The following RSPO3 variants were observed in gnomAD, a reference collection of about 807,000 sequenced individuals.
RSPO3 encodes R-spondin-3.
Under a neutral mutation model 36.5 loss-of-function variants are expected in RSPO3, and 17 were observed. The ratio of observed to expected loss-of-function variants is 0.47; its 90% confidence interval spans 0.32 to 0.70. The LOEUF (loss-of-function observed/expected upper bound fraction) is 0.70, where lower values mean the gene tolerates loss of function less well. RSPO3 is among the 30% of genes least tolerant of loss of function. RSPO3 has a pLI of 0.04. For synonymous variants in RSPO3, 108 were observed against 107.0 expected (o/e 1.01, Z -0.06); for missense variants, 294 against 322.5 (o/e 0.91, Z 0.68).
chr6:127,146,809 C>T (rs1216257579), intron 1 of RSPO3, among the ~76,000 whole-genome samples: 2 of 152,102 alleles, frequency 1.3e-5, no homozygotes, highest in African/African-American at 4.8e-5. Context: ...TTTTTATCTA[C>T]ACCTCTCGCT....
intron 1 of RSPO3, chr6:127,120,056 T>C (rs1773810984): frequency 6.6e-6 from 1 of 152,294 alleles, no homozygotes; most frequent in Non-Finnish European, 1.5e-5. Context: ...GACACACACG[T>C]ACAGAGAGTG....
chr6:127,131,849 G>T (rs539428280), intron 1 of RSPO3, among the ~76,000 whole-genome samples: 1 of 151,994 alleles, frequency 6.6e-6, no homozygotes, highest in Non-Finnish European at 1.5e-5. Context: ...CACACTTCTT[G>T]TACAAATTTC....
chr6:127,162,154 G>T (rs1427809891), intron 4 of RSPO3, among the ~76,000 whole-genome samples: 1 of 152,090 alleles, frequency 6.6e-6, no homozygotes, highest in Non-Finnish European at 1.5e-5. Flanking sequence ...TCAGAACCTG[G>T]CATAGTTTTT....
intron 4 of RSPO3, among the ~76,000 whole-genome samples, chr6:127,175,197 T>C (rs1775026964): frequency 6.6e-6 from 1 of 151,794 alleles, no homozygotes; most frequent in African/African-American, 2.4e-5. Context: ...TTATATTTTT[T>C]CCTGTATTTG....
At chr6:127,127,906 A>G (rs1388580451) in intron 1 of RSPO3, among the ~76,000 whole-genome samples, 4 of 151,960 alleles carry the variant, frequency 2.6e-5, no homozygotes, top group African/African-American at 7.2e-5. Flanking sequence ...CCTCCTCTAC[A>G]TCGCTTTCTT....
intron 1 of RSPO3, among the ~76,000 whole-genome samples, chr6:127,144,640 C>CTTTTTTTTTTTTTTTTTTTTT (rs140423963): frequency 4.9e-5 from 3 of 61,350 alleles, no homozygotes; most frequent in African/African-American, 2.0e-4. Flanking sequence ...GTAGCTTCCC[C>CTTTTTTTTTTTTTTTTTTTTT]TTGTTTTTTT....
chr6:127,189,342 A>G (rs2114267163), intron 4 of RSPO3, among the ~76,000 whole-genome samples: 1 of 151,738 alleles, frequency 6.6e-6, no homozygotes, highest in Non-Finnish European at 1.5e-5. Flanking sequence ...ACTGCATTCT[A>G]GATAAATGTA....
intron 1 of RSPO3, among the ~76,000 whole-genome samples, chr6:127,121,324 C>A (rs147964910): frequency 3.3e-5 from 5 of 152,236 alleles, no homozygotes; most frequent in Non-Finnish European, 7.3e-5. Flanking sequence ...GGATGATGCA[C>A]CTCTAGGTTG....
In RSPO3 at chr6:127,119,036, T is replaced by C. The variant is rs1008651364; in HGVS notation, c.-157T>C. 5 of 520,424 alleles carry C rather than the reference T, an allele frequency of 9.6e-6. No individual in the cohort carries two copies. The highest frequency in any genetic ancestry group is 1.3e-5 in the Non-Finnish European group (4 of 296,524). The allele number at this position is 520,424 out of a possible 1,614,324, so 32.2% of individuals were successfully genotyped here. On this transcript the variant is annotated 5_prime_UTR_variant, in exon 1 of 5. Transcript: ENST00000356698. ...TCCCTGTCCACCCGCCCCACTTCGC[T>C]TGCCATCACAGCACGCCTATCGGAT...
chr6:127,136,675 G>T (rs1230486004), intron 1 of RSPO3, among the ~76,000 whole-genome samples: 1 of 152,134 alleles, frequency 6.6e-6, no homozygotes, highest in Admixed American at 6.5e-5. Flanking sequence ...GGTATCACAA[G>T]GTTGGTAAGT....
chr6:127,173,337 G>A (rs1420911065), intron 4 of RSPO3, among the ~76,000 whole-genome samples: 1 of 151,798 alleles, frequency 6.6e-6, no homozygotes, highest in African/African-American at 2.4e-5. Context: ...GGTTATGTTA[G>A]TGCTATCATG....
chr6:127,149,966 C>G (rs1207953826), intron 2 of RSPO3, among the ~76,000 whole-genome samples: 7 of 151,916 alleles, frequency 4.6e-5, no homozygotes, highest in Non-Finnish European at 1.0e-4. Context: ...TGACTCTTAC[C>G]CCTCTTGTGC....
chr6:127,184,827 G>A (rs1220098184), intron 4 of RSPO3, among the ~76,000 whole-genome samples: 6 of 151,754 alleles, frequency 4.0e-5, no homozygotes, highest in Admixed American at 6.6e-5. Context: ...CTGGAAAACC[G>A]GCTGTCTTGG....
intron 4 of RSPO3, among the ~76,000 whole-genome samples, chr6:127,169,953 A>G (rs1160772517): frequency 6.6e-6 from 1 of 151,840 alleles, no homozygotes; most frequent in Non-Finnish European, 1.5e-5. Context: ...GTCTCCCTTC[A>G]ATAAAATGGC....
chr6:127,121,923 A>T (rs1773854119), intron 1 of RSPO3, among the ~76,000 whole-genome samples: 1 of 152,224 alleles, frequency 6.6e-6, no homozygotes, highest in African/African-American at 2.4e-5. Context: ...GTAGTTATAT[A>T]GTTTCAATTT....
chr6:127,164,293 C>T (rs1774770202), intron 4 of RSPO3, among the ~76,000 whole-genome samples: 2 of 151,978 alleles, frequency 1.3e-5, no homozygotes, highest in African/African-American at 2.4e-5. Flanking sequence ...AGGGTACTGA[C>T]AAAAACACAA....
intron 1 of RSPO3, among the ~76,000 whole-genome samples, chr6:127,134,861 T>C (rs1355913596): frequency 1.3e-5 from 2 of 152,188 alleles, no homozygotes; most frequent in Non-Finnish European, 2.9e-5. Flanking sequence ...TAGTCAGAGA[T>C]GGTAAACCTA....
intron 4 of RSPO3, among the ~76,000 whole-genome samples, chr6:127,170,244 T>C (rs578131986): frequency 1.3e-5 from 2 of 151,866 alleles, no homozygotes; most frequent in South Asian, 2.1e-4. Context: ...TGTTTTAAAA[T>C]GGATTTTAGC....
chr6:127,167,159 T>C (rs1774837562), intron 4 of RSPO3, among the ~76,000 whole-genome samples: 1 of 152,138 alleles, frequency 6.6e-6, no homozygotes, highest in South Asian at 2.1e-4. Flanking sequence ...CCGGGGTACA[T>C]GTGCAGGATG....
Sources: gnomAD v4.1 joint callset for allele counts (sites outside exome capture counted in the v4.1 genomes callset) on GRCh38, gnomAD v4.1.1 for gene constraint, MANE v1.5 for transcripts, NCBI Gene and HGNC (gene_info 2026-07-23, HGNC 2026-07-21) for gene names.